The following SLC2A13 variants were observed in gnomAD, a reference collection of about 807,000 sequenced individuals.
SLC2A13 encodes the protein solute carrier family 2 member 13, also known as proton myo-inositol cotransporter.
In SLC2A13, 32 loss-of-function variants were observed where a neutral mutation model predicts 64.4. That is an observed-to-expected ratio of 0.50 (90% CI 0.37 to 0.67). SLC2A13 has a LOEUF of 0.67. Among genes scored for constraint, SLC2A13 ranks in the 30% least tolerant of loss-of-function variants. SLC2A13 has a pLI of 0.00. For missense variants in SLC2A13, 743 were observed against 829.2 expected (o/e 0.90, Z 1.28); for synonymous variants, 338 against 327.1 (o/e 1.03, Z -0.36).
At chr12:39,993,019 A>G (rs551915007) in intron 3 of SLC2A13, among the ~76,000 whole-genome samples, 1 of 152,322 alleles carries the variant, frequency 6.6e-6, no homozygotes, top group African/African-American at 2.4e-5. Flanking sequence ...ATACATACAT[A>G]TACATGTAAT....
Position 39,839,252 on chromosome 12 carries a change from A to G in SLC2A13, c.1320-9024T>C, listed in dbSNP as rs118145548. 2.1e-4 allele frequency among the ~76,000 whole-genome samples: 32 copies of G among 152,116 alleles called. 1 individual carries two copies. The East Asian group carries it at 5.4e-3, about 26-fold the overall frequency. On this transcript the variant is annotated intron_variant, in intron 6 of 9. Coordinates refer to ENST00000280871, the MANE Select transcript of SLC2A13 (RefSeq NM_052885.4). ...GGAGCCTCGTGAAGGACAGATTCCTATATCAGTACTGAAAACAACTCTGGA... is the reference window on the plus strand; with the variant it reads ...GGAGCCTCGTGAAGGACAGATTCCTGTATCAGTACTGAAAACAACTCTGGA...
intron 1 of SLC2A13, among the ~76,000 whole-genome samples, chr12:40,097,153 G>C (rs1938973468): frequency 6.6e-6 from 1 of 152,104 alleles, no homozygotes. Flanking sequence ...TTGTTTTAGA[G>C]CCTACTTTTT....
chr12:39,816,467 T>C (rs918881915), intron 7 of SLC2A13, among the ~76,000 whole-genome samples: 5 of 147,170 alleles, frequency 3.4e-5, no homozygotes, highest in Non-Finnish European at 6.0e-5. Flanking sequence ...CATTAGGAGA[T>C]ATACCTAATG....
intron 4 of SLC2A13, among the ~76,000 whole-genome samples, chr12:39,941,649 T>A (rs1247848889): frequency 6.6e-6 from 1 of 152,228 alleles, no homozygotes; most frequent in African/African-American, 2.4e-5. Context: ...TTGAGTTCAT[T>A]GTGGATTCTG....
chr12:40,034,129 T>C (rs1947943174), intron 2 of SLC2A13, among the ~76,000 whole-genome samples: 1 of 152,214 alleles, frequency 6.6e-6, no homozygotes, highest in Admixed American at 6.5e-5. Context: ...GGAAGTTTAT[T>C]ACACTACATT....
chr12:39,885,552 T>C (rs147584147), intron 4 of SLC2A13, among the ~76,000 whole-genome samples: 1 of 152,186 alleles, frequency 6.6e-6, no homozygotes, highest in East Asian at 1.9e-4. Flanking sequence ...GTTCCAATTA[T>C]TACAAAAAAC....
intron 3 of SLC2A13, among the ~76,000 whole-genome samples, chr12:39,976,243 T>C (rs1591969464): frequency 6.6e-6 from 1 of 152,322 alleles, no homozygotes; most frequent in African/African-American, 2.4e-5. Flanking sequence ...TATCCCACCA[T>C]CTTTTTAGTT....
rs142902374 is a variant in SLC2A13 at position 40,004,155 on chromosome 12, T to C, written c.925+24146A>G. Among the ~76,000 whole-genome samples the C allele has an allele frequency of 4.1e-4, 62 of 152,316 alleles. 1 individual carries two copies. The East Asian group carries it at 0.011, about 27-fold the overall frequency. On this transcript the variant is annotated intron_variant, in intron 3 of 9. Transcript: ENST00000280871. The stretch of plus-strand genomic sequence containing the variant: ...ATTATTTCAAGTATATGGGAAGATG[T>C]ACATAGGTTATATGCAAATACTATA...
intron 6 of SLC2A13, among the ~76,000 whole-genome samples, chr12:39,852,320 C>A (rs1169929054): frequency 1.3e-5 from 2 of 152,158 alleles, no homozygotes; most frequent in African/African-American, 4.8e-5. Context: ...CTAAACACTG[C>A]CACACAAATT....
intron 2 of SLC2A13, among the ~76,000 whole-genome samples, chr12:40,037,455 C>CA (rs1357178935): frequency 6.6e-6 from 1 of 151,706 alleles, no homozygotes. Flanking sequence ...CTCATCTCTA[C>CA]AAAAAATACA....
chr12:39,931,539 GA>G (rs1327163593), intron 4 of SLC2A13, among the ~76,000 whole-genome samples: 7 of 152,190 alleles, frequency 4.6e-5, no homozygotes, highest in African/African-American at 1.4e-4. Flanking sequence ...GGGGTCGGGA[GA>G]AAATACACTG....
intron 2 of SLC2A13, among the ~76,000 whole-genome samples, chr12:40,047,389 A>G (rs1437384981): frequency 6.6e-6 from 1 of 152,220 alleles, no homozygotes; most frequent in African/African-American, 2.4e-5. Flanking sequence ...ATAACCTCTA[A>G]TGCCTTTTAA....
chr12:39,943,114 C>T lies in SLC2A13; in HGVS notation c.1034+8143G>A, dbSNP rs753147026. Among the ~76,000 whole-genome samples, 3 of 152,184 alleles carry T rather than the reference C, an allele frequency of 2.0e-5. No homozygotes were observed. The East Asian group carries it at 5.8e-4, about 29-fold the overall frequency. The stretch of plus-strand genomic sequence containing the variant: ...GAACAGCAAAGACTGCTGCCTGTTC[C>T]TTCCTCTGGAAGCTTCGTCCCAGAG... On this transcript the variant is annotated intron_variant, in intron 4 of 9. Coordinates refer to ENST00000280871, the MANE Select transcript of SLC2A13 (RefSeq NM_052885.4).
chr12:40,105,408 G>C lies in SLC2A13; in HGVS notation c.401C>G (p.Ser134Trp), dbSNP rs1419580750. The C allele has an allele frequency of 6.4e-7, 1 of 1,551,568 alleles. No homozygotes were observed. Among genetic ancestry groups the C allele is most frequent in the East Asian group, 2.4e-5 (1 of 40,984 alleles). ...GTTGAGGGCGCCTCCGGCCAGCGCC[G>C]AGACGGCAGCCGCCCCCACCGTGCT... ...VSSTVGAAAV[S>W]ALAGGALNGV... Residue 134 changes from serine to tryptophan, a missense_variant, in exon 1 of 10, where the codon TCG (serine) becomes TGG (tryptophan). Coordinates refer to ENST00000280871, the MANE Select transcript of SLC2A13 (RefSeq NM_052885.4). The surrounding 1 kb of genome is among the most constrained non-coding windows in gnomAD (Gnocchi z 4.2).
intron 7 of SLC2A13, among the ~76,000 whole-genome samples, chr12:39,811,426 T>A (rs1396862104): frequency 6.6e-6 from 1 of 152,116 alleles, no homozygotes; most frequent in African/African-American, 2.4e-5. Context: ...TTCAAAATTT[T>A]CTAATATACT....
chr12:39,955,793 G>A (rs954981345), intron 3 of SLC2A13, among the ~76,000 whole-genome samples: 1 of 152,068 alleles, frequency 6.6e-6, no homozygotes. Flanking sequence ...GCAGAGATTG[G>A]ACCTACGCAG....
chr12:39,811,430 A>T (rs531127529), intron 7 of SLC2A13, among the ~76,000 whole-genome samples: 1 of 152,128 alleles, frequency 6.6e-6, no homozygotes, highest in African/African-American at 2.4e-5. Flanking sequence ...AAATTTTCTA[A>T]TATACTTATT....
chr12:39,936,888 T>C (rs1023348874), intron 4 of SLC2A13, among the ~76,000 whole-genome samples: 2 of 152,164 alleles, frequency 1.3e-5, no homozygotes, highest in Non-Finnish European at 2.9e-5. Flanking sequence ...TATGAGTGTG[T>C]ATGGCAGAGG....
At chr12:40,088,390 G>A (rs986527288) in intron 1 of SLC2A13, among the ~76,000 whole-genome samples, 4 of 152,194 alleles carry the variant, frequency 2.6e-5, no homozygotes, top group Non-Finnish European at 5.9e-5. Context: ...AATTGTAGCT[G>A]ACCAGTCACT....
Sources: gnomAD v4.1 joint callset for allele counts (sites outside exome capture counted in the v4.1 genomes callset) on GRCh38, gnomAD v4.1.1 for gene constraint, Gnocchi (gnomAD v3.1) non-coding constraint, MANE v1.5 for transcripts, NCBI Gene and HGNC (gene_info 2026-07-23, HGNC 2026-07-21) for gene names.